Variants in SELENOF observed in about 807,000 individuals in gnomAD.
SELENOF encodes selenoprotein F, also known as 15 kDa selenoprotein.
In SELENOF, 16 loss-of-function variants were observed where a neutral mutation model predicts 20.5. The observed-to-expected ratio is 0.78, with a 90% CI of 0.53 to 1.19. The LOEUF (loss-of-function observed/expected upper bound fraction) is 1.19. Among genes scored for constraint, SELENOF ranks in the 50% most tolerant of loss-of-function variants. SELENOF has a pLI of 0.00. For synonymous variants in SELENOF, 78 were observed against 74.5 expected, an observed-to-expected ratio of 1.05 and a Z score of -0.24; for missense variants, 215 against 194.2, an observed-to-expected ratio of 1.11 and a Z score of -0.64.
chr1:86,863,977 G>A (rs1658530298), intron 4 of SELENOF, among the ~76,000 whole-genome samples: 2 of 152,082 alleles, frequency 1.3e-5, no homozygotes, highest in South Asian at 4.1e-4. Flanking sequence ...TACTTTTAAA[G>A]AGAAAAATAT....
At chr1:86,901,840 C>T (rs1040377101) in intron 2 of SELENOF, among the ~76,000 whole-genome samples, 4 of 152,184 alleles carry the variant, frequency 2.6e-5, no homozygotes, top group Non-Finnish European at 2.9e-5. Flanking sequence ...ATTTGGTTTA[C>T]AGTTTTGGCA....
chr1:86,901,388 G>A (rs1219823356), intron 2 of SELENOF, among the ~76,000 whole-genome samples: 2 of 150,560 alleles, frequency 1.3e-5, no homozygotes, highest in African/African-American at 4.9e-5. Flanking sequence ...TATTTTTTAA[G>A]TGTTTTTTGC....
At chr1:86,900,652 A>G (rs574189067) in intron 2 of SELENOF, among the ~76,000 whole-genome samples, 14 of 151,578 alleles carry the variant, frequency 9.2e-5, no homozygotes, top group South Asian at 8.4e-4. Flanking sequence ...GGGGAAAGGG[A>G]GAGGGAGAGG....
chr1:86,886,198 A>C (rs1166825085), intron 2 of SELENOF, among the ~76,000 whole-genome samples: 1 of 152,184 alleles, frequency 6.6e-6, no homozygotes, highest in African/African-American at 2.4e-5. Context: ...CCTACCCCAG[A>C]TAAACTAAAT....
chr1:86,898,471 A>G (rs1446395207), intron 2 of SELENOF, among the ~76,000 whole-genome samples: 1 of 152,208 alleles, frequency 6.6e-6, no homozygotes, highest in Non-Finnish European at 1.5e-5. Context: ...AGATAGACCT[A>G]TATAAAGCAT....
At chr1:86,900,630 G>A (rs1000951027) in intron 2 of SELENOF, among the ~76,000 whole-genome samples, 6 of 151,808 alleles carry the variant, frequency 4.0e-5, no homozygotes, top group African/African-American at 7.3e-5. Flanking sequence ...GGGAGGGGGA[G>A]AGGGAGACCG....
At chr1:86,893,224 T>C (rs947856952) in intron 2 of SELENOF, among the ~76,000 whole-genome samples, 1 of 152,158 alleles carries the variant, frequency 6.6e-6, no homozygotes, top group Non-Finnish European at 1.5e-5. Context: ...TAAACACTAA[T>C]GTAAGGTAAT....
chr1:86,886,304 CTATGT>C (rs1444953603), intron 2 of SELENOF, among the ~76,000 whole-genome samples: 1 of 152,078 alleles, frequency 6.6e-6, no homozygotes, highest in Non-Finnish European at 1.5e-5. Context: ...CTGCCTTATA[CTATGT>C]TATATTAATA....
intron 1 of SELENOF, among the ~76,000 whole-genome samples, chr1:86,905,563 A>G (rs1659807450): frequency 6.6e-6 from 1 of 152,170 alleles, no homozygotes; most frequent in Admixed American, 6.5e-5. Context: ...GTGACACTGT[A>G]CTATGTAAAT....
At chr1:86,883,094 C>G (rs1172373445) in intron 2 of SELENOF, among the ~76,000 whole-genome samples, 1 of 140,438 alleles carries the variant, frequency 7.1e-6, no homozygotes, top group Non-Finnish European at 1.5e-5. Context: ...CTACTGCACT[C>G]AAACCTGGGG....
intron 1 of SELENOF, among the ~76,000 whole-genome samples, chr1:86,905,075 T>G (rs573475439): frequency 3.7e-4 from 56 of 152,214 alleles, no homozygotes; most frequent in Non-Finnish European, 7.2e-4. Flanking sequence ...CTTAAATCTA[T>G]TCTTCCTAAG....
At chr1:86,913,674 T>G (rs1660051384) in intron 1 of SELENOF, 1 of 229,510 alleles carries the variant, frequency 4.4e-6, no homozygotes, top group Admixed American at 4.9e-5. Context: ...GGAAGTCTCG[T>G]CATGAGTCTC....
intron 3 of SELENOF, among the ~76,000 whole-genome samples, chr1:86,870,310 C>T (rs903882048): frequency 6.6e-6 from 1 of 152,274 alleles, no homozygotes; most frequent in Non-Finnish European, 1.5e-5. Flanking sequence ...CAAAATGAAA[C>T]CAATTATGCT....
chr1:86,868,189 C>A, intron 3 of SELENOF, 87 bp from the exon 4 acceptor site: 1 of 621,724 alleles, frequency 1.6e-6, no homozygotes, highest in Admixed American at 2.9e-5. Flanking sequence ...AAATAAACAA[C>A]AAATCAAACA....
At chr1:86,879,207 T>C (rs930107371) in intron 3 of SELENOF, among the ~76,000 whole-genome samples, 7 of 152,106 alleles carry the variant, frequency 4.6e-5, no homozygotes, top group Non-Finnish European at 7.4e-5. Context: ...GCTAAAACTT[T>C]CTAGAAATAA....
intron 1 of SELENOF, among the ~76,000 whole-genome samples, chr1:86,907,199 G>A (rs1018588212): frequency 6.6e-6 from 1 of 152,172 alleles, no homozygotes; most frequent in Non-Finnish European, 1.5e-5. Flanking sequence ...AGAAGCAAGT[G>A]CACAGAAAGC....
At chr1:86,900,541 C>T (rs1471898002) in intron 2 of SELENOF, among the ~76,000 whole-genome samples, 1 of 152,022 alleles carries the variant, frequency 6.6e-6, no homozygotes, top group Non-Finnish European at 1.5e-5. Flanking sequence ...GGCAGCAGTA[C>T]AGTCCAGCTT....
chr1:86,882,247 CAAA>C (rs61037512), intron 2 of SELENOF, among the ~76,000 whole-genome samples: 15,047 of 59,630 alleles, frequency 0.25, 292 homozygotes, highest in Non-Finnish European at 0.27. Flanking sequence ...GACTCTGTCT[CAAA>C]AAAAAAAAAA....
At chr1:86,871,306 C>CT (rs774573696) in intron 3 of SELENOF, among the ~76,000 whole-genome samples, 6 of 152,046 alleles carry the variant, frequency 3.9e-5, no homozygotes, top group Non-Finnish European at 7.4e-5. Context: ...AATAAGTACT[C>CT]TAAGTTCAGA....
Sources: gnomAD v4.1 joint callset for allele counts (sites outside exome capture counted in the v4.1 genomes callset) on GRCh38, gnomAD v4.1.1 for gene constraint, MANE v1.5 for transcripts, NCBI Gene and HGNC (gene_info 2026-07-23, HGNC 2026-07-21) for gene names.